SPACA3: variants seen among roughly 807,000 people sequenced by gnomAD.
SPACA3 encodes sperm acrosome membrane-associated protein 3.
A neutral mutation model predicts 24.5 loss-of-function variants in SPACA3; 21 were observed. The ratio of observed to expected loss-of-function variants is 0.86; its 90% CI spans 0.61 to 1.24. The LOEUF (loss-of-function observed/expected upper bound fraction) is 1.24. Ranked by LOEUF, SPACA3 falls within the 50% of genes most tolerant of loss-of-function variation. The pLI is 0.00. For missense variants in SPACA3, 278 were observed against 275.5 expected, an observed-to-expected ratio of 1.01 and a Z score of -0.06; for synonymous variants, 115 against 106.9, an observed-to-expected ratio of 1.08 and a Z score of -0.47.
chr17:32,992,833 G>A (rs901913567), intron 1 of SPACA3: 3 of 465,664 alleles, frequency 6.4e-6, no homozygotes, highest in African/African-American at 4.0e-5. Context: ...GGCTGTGAAG[G>A]GTCGTGAAGG....
chr17:32,996,348 G>A (rs1308384619), intron 2 of SPACA3, among the ~76,000 whole-genome samples: 1 of 152,112 alleles, frequency 6.6e-6, no homozygotes, highest in Admixed American at 6.5e-5. Flanking sequence ...AATTAGCTGG[G>A]CATGGTGGCA....
rs772962084 is a variant in SPACA3, at chr17:32,995,547, G to A, written c.173G>A (p.Arg58Lys). 9.3e-6 allele frequency: 15 copies of A among 1,614,254 alleles called. No homozygotes were observed. The South Asian group carries it at 1.6e-4, about 18-fold the overall frequency. The stretch of plus-strand genomic sequence containing the variant: ...GCCGCCGGCATAGAAGCCAGGAGCA[G>A]GGCTCTCAGAAGGCGGTGGTGCCCA... The part of the protein sequence containing the change: ...TSAAGIEARS[R>K]ALRRRWCPAG... Residue 58 changes from arginine (R) to lysine (K), a missense_variant, in exon 2 of 5, where the codon AGG (arginine) becomes AAG (lysine). By Grantham distance (26) the Arg-to-Lys change is conservative (BLOSUM62 2). Transcript: ENST00000269053.
At chr17:32,994,915 G>A (rs1203079020) in intron 1 of SPACA3, among the ~76,000 whole-genome samples, 1 of 152,214 alleles carries the variant, frequency 6.6e-6, no homozygotes, top group Non-Finnish European at 1.5e-5. Context: ...TGGGGGTGGA[G>A]GAGACTCTCG....
At position 32,991,862 on chromosome 17, in the gene SPACA3, G is replaced by T. The variant is rs1221726155; in HGVS notation, c.-77G>T. 27 of 1,604,516 alleles carry T rather than the reference G, an allele frequency of 1.7e-5. No individual in the cohort carries two copies. Among genetic ancestry groups the T allele is most frequent in the Non-Finnish European group, 2.3e-5 (27 of 1,172,004 alleles). On this transcript the variant is annotated 5_prime_UTR_variant, in exon 1 of 5. Transcript: ENST00000269053. ...TTGTTCTCTTAACACTGGGTGCCTG[G>T]GGCCCTGGCAAGGTTGTGGGGGACA...
intron 2 of SPACA3, 128 bp from the exon 3 acceptor site, chr17:32,996,715 C>T: frequency 9.7e-7 from 1 of 1,032,144 alleles, no homozygotes; most frequent in East Asian, 3.1e-5. Flanking sequence ...GTGGGAGGCA[C>T]CTGCCCCAAT....
At chr17:32,993,460 A>C (rs1248889630) in intron 1 of SPACA3, among the ~76,000 whole-genome samples, 1 of 152,164 alleles carries the variant, frequency 6.6e-6, no homozygotes. Flanking sequence ...CACGGAGGAT[A>C]AGGAGGAGAG....
At chr17:32,995,340 A>G in intron 1 of SPACA3, 69 bp from the exon 2 acceptor site, 1 of 1,442,838 alleles carries the variant, frequency 6.9e-7, no homozygotes, top group Non-Finnish European at 9.4e-7. Context: ...TCAGGAATGC[A>G]AGGGGGCTGA....
At chr17:32,992,615 C>T (rs777706414) in intron 1 of SPACA3, among the ~76,000 whole-genome samples, 10 of 152,152 alleles carry the variant, frequency 6.6e-5, no homozygotes, top group South Asian at 2.1e-4. Context: ...TGTGGAAGAT[C>T]GGGTGTGTGA....
At chr17:32,992,616 G>A (rs1567710512) in intron 1 of SPACA3, among the ~76,000 whole-genome samples, 5 of 152,212 alleles carry the variant, frequency 3.3e-5, no homozygotes, top group Admixed American at 2.0e-4. Context: ...GTGGAAGATC[G>A]GGTGTGTGAG....
At chr17:32,992,542 C>G (rs143263406) in intron 1 of SPACA3, among the ~76,000 whole-genome samples, 28 of 152,340 alleles carry the variant, frequency 1.8e-4, no homozygotes, top group African/African-American at 6.0e-4. Context: ...AGCCGCCGTT[C>G]TTCAGAAGTT....
intron 1 of SPACA3, among the ~76,000 whole-genome samples, chr17:32,994,678 A>G (rs983290763): frequency 2.0e-5 from 3 of 152,104 alleles, no homozygotes; most frequent in Non-Finnish European, 4.4e-5. Flanking sequence ...AGCAGGGATG[A>G]CCAGGGCAGG....
intron 2 of SPACA3, 80 bp from the exon 3 acceptor site, chr17:32,996,763 G>A (rs753241534): frequency 7.6e-5 from 104 of 1,368,498 alleles, no homozygotes; most frequent in African/African-American, 2.1e-4. Context: ...TGGAGCCAGC[G>A]TGGGACCTGT....
intron 1 of SPACA3, among the ~76,000 whole-genome samples, chr17:32,992,380 C>T (rs1253827939): frequency 6.6e-6 from 1 of 152,088 alleles, no homozygotes; most frequent in African/African-American, 2.4e-5. Flanking sequence ...AGGTTGGCTG[C>T]CTCCTCCTTC....
intron 1 of SPACA3, among the ~76,000 whole-genome samples, chr17:32,993,500 A>G (rs1441171070): frequency 1.3e-5 from 2 of 152,172 alleles, no homozygotes; most frequent in Non-Finnish European, 2.9e-5. Flanking sequence ...GAAACCTGGG[A>G]GAAGGGAGCA....
chr17:32,992,296 G>C (rs2091694658), intron 1 of SPACA3, among the ~76,000 whole-genome samples: 1 of 151,992 alleles, frequency 6.6e-6, no homozygotes, highest in South Asian at 2.1e-4. Context: ...TTGCTGAGAG[G>C]ATTGGATGAG....
chr17:32,992,108 GGA>G (rs113235680), intron 1 of SPACA3, 136 bp downstream of exon 1: 24,564 of 653,584 alleles, frequency 0.038, no homozygotes, highest in East Asian at 0.057. Flanking sequence ...AGCTGAGAGA[GGA>G]GAGAGAGAGA....
chr17:32,997,334 T>TA (rs1241141902), intron 3 of SPACA3, 111 bp from the exon 4 acceptor site: 6 of 784,826 alleles, frequency 7.6e-6, no homozygotes, highest in South Asian at 1.7e-5. Flanking sequence ...TGTGTGTGTG[T>TA]GTGTGTGTGT....
intron 1 of SPACA3, among the ~76,000 whole-genome samples, chr17:32,994,137 T>C (rs2091708328): frequency 6.6e-6 from 1 of 152,194 alleles, no homozygotes; most frequent in Middle Eastern, 3.4e-3. Flanking sequence ...AGGACAATAC[T>C]GAGGGTTTTC....
At position 32,996,828 on chromosome 17, in the gene SPACA3, C is replaced by G; in HGVS notation, c.344-15C>G. ...TAACCATCTGACCCCCAGGCCTATG[C>G]TCTGCCCTATGCAGGGGTCTGCCTT... is the stretch of plus-strand genomic sequence containing the variant. On this transcript the variant is annotated splice_polypyrimidine_tract_variant and intron_variant, in intron 2 of 4. Transcript: ENST00000269053. 1 of 1,547,128 alleles carries G rather than the reference C, an allele frequency of 6.5e-7. No homozygotes were observed. Among genetic ancestry groups the G allele is most frequent in the Non-Finnish European group, 8.7e-7 (1 of 1,145,476 alleles).
Sources: gnomAD v4.1 joint callset for allele counts (sites outside exome capture counted in the v4.1 genomes callset) on GRCh38, gnomAD v4.1.1 for gene constraint, MANE v1.5 for transcripts, NCBI Gene and HGNC (gene_info 2026-07-23, HGNC 2026-07-21) for gene names.